PBRM1: variants seen among roughly 807,000 people sequenced by gnomAD.
PBRM1 encodes polybromo 1, also known as protein polybromo-1.
A neutral mutation model predicts 194.5 loss-of-function variants in PBRM1; 27 were observed. That is an observed-to-expected ratio of 0.14 (90% confidence interval 0.10 to 0.19). The LOEUF is 0.19. PBRM1 is among the 10% of genes least tolerant of loss of function. The probability of loss-of-function intolerance (pLI) is 1.00; values close to 1 mark genes in which losing one functional copy is unlikely to be tolerated. For synonymous variants in PBRM1, 655 were observed against 693.2 expected (o/e 0.94, Z 0.87); for missense variants, 1,466 against 2,077.2 (o/e 0.71, Z 5.72).
exon 20 of PBRM1, chr3:52,586,546 T>A (rs2153770739): frequency 6.2e-7 from 1 of 1,614,066 alleles, no homozygotes; most frequent in Non-Finnish European, 8.5e-7. Flanking sequence ...CAGAGGCACA[T>A]CCCGAGGGAC....
intron 3 of PBRM1, among the ~76,000 whole-genome samples, chr3:52,663,602 T>C (rs1361657813): frequency 3.3e-5 from 5 of 152,008 alleles, no homozygotes; most frequent in African/African-American, 7.3e-5. Context: ...ATTGAGTCCA[T>C]AGTAAAAAAA....
At chr3:52,652,339 G>A (rs554691388) in intron 5 of PBRM1, among the ~76,000 whole-genome samples, 104 of 149,046 alleles carry the variant, frequency 7.0e-4, no homozygotes, top group Non-Finnish European at 1.2e-3. Flanking sequence ...AGCTGAGATC[G>A]TGCCATTATA....
intron 10 of PBRM1, among the ~76,000 whole-genome samples, chr3:52,640,663 A>G (rs2096043314): frequency 6.6e-6 from 1 of 151,690 alleles, no homozygotes; most frequent in South Asian, 2.1e-4. Flanking sequence ...TCCCCCCAAG[A>G]CAGAGTCTTG....
chr3:52,617,775 A>G (rs1576829623), intron 13 of PBRM1, among the ~76,000 whole-genome samples: 1 of 152,216 alleles, frequency 6.6e-6, no homozygotes, highest in South Asian at 2.1e-4. Context: ...ACACCAAAAA[A>G]ACTTTTTAGA....
At chr3:52,563,607 G>A in intron 23 of PBRM1, 114 bp from the exon 26 acceptor site, 1 of 678,076 alleles carries the variant, frequency 1.5e-6, no homozygotes, top group Non-Finnish European at 2.6e-6. Context: ...TGCAATATAT[G>A]CTCTAAAGGC....
intron 22 of PBRM1, among the ~76,000 whole-genome samples, chr3:52,569,063 CT>C (rs1049659680): frequency 1.3e-5 from 2 of 152,028 alleles, no homozygotes; most frequent in East Asian, 3.9e-4. Context: ...AATTTCTGTA[CT>C]TTTTGTAGAA....
intron 2 of PBRM1, 135 bp downstream of exon 3, chr3:52,678,365 G>T (rs2097148457): frequency 1.7e-6 from 1 of 587,818 alleles, no homozygotes; most frequent in Non-Finnish European, 3.0e-6. Context: ...GATTACTAAA[G>T]ACTAAAGACT....
chr3:52,654,784 CAGAG>C (rs113468226), intron 5 of PBRM1, among the ~76,000 whole-genome samples: 1 of 152,010 alleles, frequency 6.6e-6, no homozygotes, highest in Non-Finnish European at 1.5e-5. Flanking sequence ...TGAGAGTTGA[CAGAG>C]AGCGAGAGAG....
At chr3:52,612,279 A>AAAAAAAAAAAAAAAAAAAAAT (rs2094674502) in intron 15 of PBRM1, among the ~76,000 whole-genome samples, 1 of 149,982 alleles carries the variant, frequency 6.7e-6, no homozygotes, top group Non-Finnish European at 1.5e-5. Flanking sequence ...AAAAAAAAAA[A>AAAAAAAAAAAAAAAAAAAAAT]AAAGAGGTAT....
At chr3:52,585,370 T>C (rs964944281) in intron 20 of PBRM1, 4 of 152,178 alleles carry the variant, frequency 2.6e-5, no homozygotes, top group Non-Finnish European at 5.9e-5. Context: ...AGTTCTATGA[T>C]ACTTTAAAAA....
At chr3:52,631,838 T>C (rs868578772) in intron 11 of PBRM1, among the ~76,000 whole-genome samples, 2 of 152,214 alleles carry the variant, frequency 1.3e-5, no homozygotes, top group African/African-American at 4.8e-5. Context: ...CTTTGAAAAT[T>C]TGTAATGTAA....
In PBRM1 at chr3:52,662,288, C is replaced by T. The variant is rs1168285830; in HGVS notation, c.385-12G>A. ...TCAGGAGAATCTGGCTGTATGTTAG[C>T]AAAGAGAAAAAAAAAAACACTTTAG... On this transcript the variant is annotated splice_polypyrimidine_tract_variant and intron_variant, in intron 3 of 29. Transcript: ENST00000296302. 2 of 1,543,318 alleles carry T rather than the reference C, an allele frequency of 1.3e-6. No homozygotes were observed. The highest frequency in any genetic ancestry group is 2.1e-5 in the Admixed American group (1 of 47,664).
intron 13 of PBRM1, among the ~76,000 whole-genome samples, chr3:52,625,677 C>T (rs567623189): frequency 3.0e-4 from 45 of 151,636 alleles, no homozygotes; most frequent in African/African-American, 1.1e-3. Context: ...CAGGTTCAAG[C>T]GATTCTCCTG....
chr3:52,633,463 G>C (rs1265814611), intron 11 of PBRM1, among the ~76,000 whole-genome samples: 1 of 152,102 alleles, frequency 6.6e-6, no homozygotes, highest in Non-Finnish European at 1.5e-5. Flanking sequence ...GAATGCTGCT[G>C]CTGTGAACAC....
chr3:52,655,584 A>G (rs1360749618), intron 5 of PBRM1, among the ~76,000 whole-genome samples: 1 of 152,192 alleles, frequency 6.6e-6, no homozygotes, highest in Non-Finnish European at 1.5e-5. Flanking sequence ...GTATATATCT[A>G]AAGTGGAACT....
chr3:52,573,898 TG>T, intron 22 of PBRM1, among the ~76,000 whole-genome samples: 1 of 152,270 alleles, frequency 6.6e-6, no homozygotes, highest in South Asian at 2.1e-4. Flanking sequence ...CTATTCCTGG[TG>T]TAAGATTGTG....
chr3:52,591,704 G>C (rs34560837), intron 17 of PBRM1, among the ~76,000 whole-genome samples: 3 of 150,450 alleles, frequency 2.0e-5, no homozygotes, highest in Admixed American at 1.3e-4. Flanking sequence ...ATTTTCAGTA[G>C]AGATGGGGTT....
At chr3:52,570,684 G>A (rs2086771219) in intron 22 of PBRM1, among the ~76,000 whole-genome samples, 1 of 152,136 alleles carries the variant, frequency 6.6e-6, no homozygotes, top group Non-Finnish European at 1.5e-5. Context: ...ATCAAGACCT[G>A]CTGGATTTTG....
Position 52,612,675 on chromosome 3 carries a change from G to A in PBRM1, c.1924+2676C>T, listed in dbSNP as rs192046497. Among the ~76,000 whole-genome samples, 377 of 152,064 alleles carry A rather than the reference G, an allele frequency of 2.5e-3. 1 individual carries two copies. Among genetic ancestry groups the A allele is most frequent in the Non-Finnish European group, 3.1e-3 (210 of 67,954 alleles). ...TCCTAGCACTTTGGGAGGCGGAGGCGGACGGATCACTTGAGGTCAGGAGAT... is the reference window on the plus strand; with the variant it reads ...TCCTAGCACTTTGGGAGGCGGAGGCAGACGGATCACTTGAGGTCAGGAGAT... On this transcript the variant is annotated intron_variant, in intron 15 of 29. Coordinates refer to ENST00000296302, the Ensembl canonical transcript of PBRM1.
Sources: allele counts gnomAD v4.1 joint callset (sites outside exome capture counted in the v4.1 genomes callset), GRCh38; gene constraint gnomAD v4.1.1; transcripts MANE v1.5; gene names NCBI Gene and HGNC (gene_info 2026-07-23, HGNC 2026-07-21).